Variants in CFAP92 observed in about 807,000 individuals in gnomAD.
The protein encoded by CFAP92 is uncharacterized protein CFAP92.
CFAP92 carries 86 observed loss-of-function variants against 106.3 expected under a neutral mutation model. That is an observed-to-expected ratio of 0.81 (90% CI 0.68 to 0.97). The LOEUF (loss-of-function observed/expected upper bound fraction) is 0.97. Among genes scored for constraint, CFAP92 ranks in the 50% least tolerant of loss-of-function variants. The pLI is 0.00. For synonymous variants in CFAP92, 477 were observed against 506.4 expected (o/e 0.94, Z 0.78); for missense variants, 1,204 against 1,283.8 (o/e 0.94, Z 0.95).
chr3:128,952,296 A>G (rs1387451508), intron 9 of CFAP92, among the ~76,000 whole-genome samples: 1 of 89,436 alleles, frequency 1.1e-5, no homozygotes, highest in Non-Finnish European at 1.9e-5. Context: ...CATCTAGCTA[A>G]TTAAAATAAA....
chr3:129,002,672 A>G, exon 1 of CFAP92: 1 of 307,642 alleles, frequency 3.3e-6, no homozygotes, highest in Admixed American at 5.2e-5. Flanking sequence ...TTCAACAAGC[A>G]TCTTTCTCTC....
chr3:128,986,192 C>T lies in CFAP92; in HGVS notation c.667+1424G>A, dbSNP rs116954231. On this transcript the variant is annotated intron_variant, in intron 4 of 15. Coordinates refer to ENST00000645291, the MANE Select transcript of CFAP92 (RefSeq NM_001394090.1). ...ATACTCGTCTGGAAGGTGCTGACAA[C>T]GATAATAGTACCATATATCATTGAT... Among the ~76,000 whole-genome samples, 421 of 151,574 alleles carry T rather than the reference C, an allele frequency of 2.8e-3. 7 individuals carry two copies. The East Asian group carries it at 0.028, about 10-fold the overall frequency.
chr3:128,920,566 C>CAGTGTTGGGGAAAAGCTG (rs1937188057), intron 12 of CFAP92, among the ~76,000 whole-genome samples: 2 of 152,190 alleles, frequency 1.3e-5, no homozygotes, highest in South Asian at 2.1e-4. Context: ...AGCTTGGACA[C>CAGTGTTGGGGAAAAGCTG]AGTGTTGGGG....
chr3:128,958,664 G>A (rs1480576777), intron 9 of CFAP92, among the ~76,000 whole-genome samples: 1 of 152,186 alleles, frequency 6.6e-6, no homozygotes, highest in Non-Finnish European at 1.5e-5. Flanking sequence ...ACTTTGGGAG[G>A]CCACGGCAGG....
chr3:128,960,311 G>C (rs1049048017), intron 9 of CFAP92, among the ~76,000 whole-genome samples: 1 of 152,210 alleles, frequency 6.6e-6, no homozygotes, highest in East Asian at 1.9e-4. Context: ...CCGTCCTCCT[G>C]CTCTTTGCTC....
chr3:128,929,103 AAG>A (rs1938040079), intron 12 of CFAP92, among the ~76,000 whole-genome samples: 1 of 152,206 alleles, frequency 6.6e-6, no homozygotes, highest in African/African-American at 2.4e-5. Context: ...AATTTGAAAA[AAG>A]AGATTAATTC....
the CFAP92 span, among the ~76,000 whole-genome samples, chr3:129,013,373 C>T: frequency 6.6e-6 from 1 of 152,128 alleles, no homozygotes; most frequent in African/African-American, 2.4e-5. Context: ...AAAGTAGGAA[C>T]GGCACTTATT....
intron 12 of CFAP92, among the ~76,000 whole-genome samples, chr3:128,918,505 G>T (rs764395624): frequency 1.3e-5 from 2 of 152,106 alleles, no homozygotes; most frequent in Non-Finnish European, 2.9e-5. Context: ...AAAACTCTTT[G>T]GAGAAATTCA....
chr3:129,001,743 G>GGGCTGGACC, intron 1 of CFAP92: 1 of 1,540,274 alleles, frequency 6.5e-7, no homozygotes. Flanking sequence ...GCACCACTAC[G>GGGCTGGACC]GGCTGGACCG....
At chr3:128,941,370 C>A (rs1939606101) in intron 10 of CFAP92, among the ~76,000 whole-genome samples, 1 of 148,566 alleles carries the variant, frequency 6.7e-6, no homozygotes, top group Non-Finnish European at 1.5e-5. Flanking sequence ...TCTGCAACAA[C>A]TATAGTTATG....
intron 2 of CFAP92, among the ~76,000 whole-genome samples, chr3:128,990,153 A>G (rs991781002): frequency 2.0e-5 from 3 of 152,258 alleles, no homozygotes; most frequent in Admixed American, 6.5e-5. Context: ...GAGACATATA[A>G]TGGAATACTG....
chr3:128,977,943 G>T, intron 5 of CFAP92, 102 bp downstream of exon 5: 2 of 1,472,610 alleles, frequency 1.4e-6, no homozygotes, highest in Non-Finnish European at 9.3e-7. Context: ...CCAATACACA[G>T]GAGGGACGCC....
intron 12 of CFAP92, among the ~76,000 whole-genome samples, chr3:128,929,008 A>C (rs1938024840): frequency 6.6e-6 from 1 of 152,236 alleles, no homozygotes; most frequent in Admixed American, 6.5e-5. Context: ...CTGTAATCCC[A>C]GCACTTCGGG....
intron 9 of CFAP92, among the ~76,000 whole-genome samples, chr3:128,962,187 C>T (rs569880687): frequency 3.3e-5 from 5 of 152,182 alleles, no homozygotes; most frequent in Admixed American, 2.0e-4. Flanking sequence ...GCTGCCCGAT[C>T]GCCTCGGAAG....
chr3:128,926,395 T>G (rs1272063421), intron 12 of CFAP92, among the ~76,000 whole-genome samples: 1 of 152,136 alleles, frequency 6.6e-6, no homozygotes, highest in Non-Finnish European at 1.5e-5. Context: ...ACACCTGTAG[T>G]TCCAGCCACT....
upstream of CFAP92, among the ~76,000 whole-genome samples, chr3:129,007,371 A>T (rs151028768): frequency 6.5e-4 from 99 of 152,324 alleles, 1 homozygote; most frequent in African/African-American, 2.3e-3. Flanking sequence ...CCATGCCCCA[A>T]ACAGTAGAGC....
At chr3:128,925,274 G>A (rs1042996095) in intron 12 of CFAP92, among the ~76,000 whole-genome samples, 1 of 152,106 alleles carries the variant, frequency 6.6e-6, no homozygotes, top group Non-Finnish European at 1.5e-5. Context: ...ATGCAACCTA[G>A]AACCCTTGCA....
intron 9 of CFAP92, among the ~76,000 whole-genome samples, chr3:128,949,585 G>A (rs1020034222): frequency 6.6e-6 from 1 of 152,244 alleles, no homozygotes; most frequent in Non-Finnish European, 1.5e-5. Context: ...GAGGTTATGT[G>A]TGTGAAGCAA....
chr3:128,933,015 T>G lies in CFAP92; in HGVS notation c.2454-18A>C. The G allele has an allele frequency of 6.5e-7, 1 of 1,535,392 alleles. No individual in the cohort carries two copies. Among genetic ancestry groups the G allele is most frequent in the Non-Finnish European group, 8.7e-7 (1 of 1,146,326 alleles). ...CGTGGATCCTGGAACAAAGAACCAC[T>G]GCCCCACTGAACCTCTCCTACCTTG... On this transcript the variant is annotated intron_variant, in intron 11 of 15. Transcript: ENST00000645291.
Sources: gnomAD v4.1 joint callset for allele counts (sites outside exome capture counted in the v4.1 genomes callset) on GRCh38, gnomAD v4.1.1 for gene constraint, MANE v1.5 for transcripts, NCBI Gene and HGNC (gene_info 2026-07-23, HGNC 2026-07-21) for gene names.